SAMD10: variants seen among roughly 807,000 people sequenced by gnomAD.
SAMD10 encodes the protein sterile alpha motif domain-containing protein 10.
A neutral mutation model predicts 22.5 loss-of-function variants in SAMD10; 16 were observed. That is an observed-to-expected ratio of 0.71 (90% confidence interval 0.48 to 1.08). The LOEUF (loss-of-function observed/expected upper bound fraction) is 1.08, where lower values mean the gene tolerates loss of function less well. Ranked by LOEUF, SAMD10 falls within the 50% of genes least tolerant of loss-of-function variation. SAMD10 has a pLI of 0.00. For missense variants in SAMD10, 227 were observed against 281.3 expected, an observed-to-expected ratio of 0.81 and a Z score of 1.38; for synonymous variants, 118 against 122.2, an observed-to-expected ratio of 0.97 and a Z score of 0.23.
rs1034392287 is a variant in SAMD10 at position 63,975,128 on chromosome 20, G to A, written c.*382C>T. 7.2e-6 allele frequency: 2 copies of A among 278,304 alleles called. No homozygotes were observed. Among genetic ancestry groups the A allele is most frequent in the Non-Finnish European group, 1.4e-5 (2 of 145,474 alleles). 17.2% of individuals were successfully genotyped at this position (278,304 alleles called of 1,614,324 possible). ...TGGACAGACAAGTGACTCAGCAGGCGATGGGGGACCGACATCACGTGGAGA... is the reference window on the plus strand; with the variant it reads ...TGGACAGACAAGTGACTCAGCAGGCAATGGGGGACCGACATCACGTGGAGA... On this transcript the variant is annotated 3_prime_UTR_variant, in exon 5 of 5. Transcript: ENST00000369886.
At chr20:63,978,331 G>T in intron 1 of SAMD10, 1 of 1,299,508 alleles carries the variant, frequency 7.7e-7, no homozygotes, top group Non-Finnish European at 1.0e-6. Context: ...ATGAATGAAG[G>T]CTCTGTATGG....
chr20:63,979,370 C>A lies in SAMD10; in HGVS notation c.91+7G>T. ...AAATCCCCGCTCCCCAATCCAGCCC[C>A]GCTCACCGTCCACATCCCGGCGCTC... On this transcript the variant is annotated splice_region_variant and intron_variant, in intron 1 of 4. Transcript: ENST00000369886. The surrounding 1 kb of genome is among the most constrained non-coding windows in gnomAD (Gnocchi z 7.7). 1 of 1,486,488 alleles carries A rather than the reference C, an allele frequency of 6.7e-7. No homozygotes were observed. Among genetic ancestry groups the A allele is most frequent in the Non-Finnish European group, 8.9e-7 (1 of 1,123,516 alleles). The allele number at this position is 1,486,488 out of a possible 1,614,324, so 92.1% of individuals were successfully genotyped here. A position where few individuals can be genotyped will look rare whatever the true frequency, so the allele number is the denominator to read the frequency against.
rs757316214 is a variant in SAMD10, at chr20:63,976,962, C to T, written c.445+9G>A. The stretch of plus-strand genomic sequence containing the variant: ...CCCCACTCCCACAGCACCCTCAGCG[C>T]CACTGTACCGGTGATGGCATGCTGG... On this transcript the variant is annotated intron_variant, in intron 3 of 4. Transcript: ENST00000369886. 2.0e-5 allele frequency: 33 copies of T among 1,613,780 alleles called. No individual in the cohort carries two copies. The highest frequency in any genetic ancestry group is 2.8e-5 in the Non-Finnish European group (33 of 1,179,894).
chr20:63,976,560 C>T (rs1054506441), intron 3 of SAMD10, among the ~76,000 whole-genome samples: 3 of 151,410 alleles, frequency 2.0e-5, no homozygotes, highest in Non-Finnish European at 4.4e-5. Context: ...ATCAGGAGTT[C>T]GAGATCATCC....
intron 1 of SAMD10, chr20:63,978,509 A>C (rs1349226815): frequency 1.2e-5 from 4 of 345,904 alleles, no homozygotes; most frequent in Non-Finnish European, 1.7e-5. Context: ...CCTCAGACTC[A>C]GCCACCCACT....
chr20:63,979,459 G>A lies in SAMD10; in HGVS notation c.9C>T (p.Thr3=). Residue 3 remains threonine, a synonymous_variant, in exon 1 of 5, where the codon ACC becomes ACT. Coordinates refer to ENST00000369886, the MANE Select transcript of SAMD10 (RefSeq NM_080621.5). The surrounding 1 kb of genome is among the most constrained non-coding windows in gnomAD (Gnocchi z 7.7). ...GGGGGCTCAGCTTGGACCTCAGCTC[G>A]GTGAACATGGGGCCCGCGGGTGCCA... MF[T]ELRSKLSPPR... is the part of the protein sequence containing the mutation. The A allele has an allele frequency of 7.0e-7, 1 of 1,424,590 alleles. No homozygotes were observed. The highest frequency in any genetic ancestry group is 9.1e-7 in the Non-Finnish European group (1 of 1,094,160). 88.2% of individuals were successfully genotyped at this position (1,424,590 alleles called of 1,614,324 possible). A position where few individuals can be genotyped will look rare whatever the true frequency, so the allele number is the denominator to read the frequency against.
At chr20:63,978,895 C>T (rs910127072) in intron 1 of SAMD10, among the ~76,000 whole-genome samples, 1 of 152,226 alleles carries the variant, frequency 6.6e-6, no homozygotes, top group Admixed American at 6.5e-5. Context: ...CCGCACGGCA[C>T]CTGCCCCGGC....
intron 1 of SAMD10, among the ~76,000 whole-genome samples, chr20:63,978,568 G>T (rs888618964): frequency 6.6e-6 from 1 of 151,976 alleles, no homozygotes; most frequent in Non-Finnish European, 1.5e-5. Context: ...TCTAAGTATC[G>T]GTGAAAACCA....
chr20:63,977,507 G>A lies in SAMD10; in HGVS notation c.92-101C>T, dbSNP rs931269516. On this transcript the variant is annotated intron_variant, in intron 1 of 4. Transcript: ENST00000369886. This position sits in a 1 kb window ranked among gnomAD's most constrained non-coding sequence, Gnocchi z 5.4. ...GCCCCATCTCCTCCACACTAGTGCG[G>A]GAAATCACCTCCCCAATGAGGGGTT... The A allele has an allele frequency of 3.3e-6, 4 of 1,217,938 alleles. No individual in the cohort carries two copies. Among genetic ancestry groups the A allele is most frequent in the Non-Finnish European group, 4.6e-6 (4 of 862,140 alleles). The allele number at this position is 1,217,938 out of a possible 1,614,324, so 75.4% of individuals were successfully genotyped here. A position where few individuals can be genotyped will look rare whatever the true frequency, so the allele number is the denominator to read the frequency against.
chr20:63,978,921 C>T (rs1345156021), intron 1 of SAMD10, among the ~76,000 whole-genome samples: 2 of 152,322 alleles, frequency 1.3e-5, no homozygotes, highest in East Asian at 3.9e-4. Flanking sequence ...AGGCTCCGCC[C>T]ATTTCCTGCC....
rs2059033590 is a variant in SAMD10, at chr20:63,977,515, C to G, written c.92-109G>C. The G allele has an allele frequency of 1.7e-6, 2 of 1,151,512 alleles. No homozygotes were observed. Among genetic ancestry groups the G allele is most frequent in the East Asian group, 5.1e-5 (2 of 39,104 alleles). The allele number at this position is 1,151,512 out of a possible 1,614,324, so 71.3% of individuals were successfully genotyped here. On this transcript the variant is annotated intron_variant, in intron 1 of 4. Coordinates refer to ENST00000369886, the MANE Select transcript of SAMD10 (RefSeq NM_080621.5). This position sits in a 1 kb window ranked among gnomAD's most constrained non-coding sequence, Gnocchi z 5.4. ...TCCTCCACACTAGTGCGGGAAATCACCTCCCCAATGAGGGGTTCCCAAGCC... is the reference window on the plus strand; with the variant it reads ...TCCTCCACACTAGTGCGGGAAATCAGCTCCCCAATGAGGGGTTCCCAAGCC...
In SAMD10 at chr20:63,977,189, A is replaced by G. The variant is rs1569206461; in HGVS notation, c.273+36T>C. The G allele has an allele frequency of 5.3e-6, 7 of 1,312,914 alleles. No individual in the cohort carries two copies. The highest frequency in any genetic ancestry group is 7.3e-6 in the Non-Finnish European group (7 of 960,182). The allele number at this position is 1,312,914 out of a possible 1,614,324, so 81.3% of individuals were successfully genotyped here. A position where few individuals can be genotyped will look rare whatever the true frequency, so the allele number is the denominator to read the frequency against. On this transcript the variant is annotated intron_variant, in intron 2 of 4. Transcript: ENST00000369886. This position sits in a 1 kb window ranked among gnomAD's most constrained non-coding sequence, Gnocchi z 5.4. Reference sequence around the variant, plus strand: ...GGCAGAGTGAGAGTGGTGGAGAAGGAGGGCAGGGACGGAGGTGGGTGGAGT... The same window carrying G: ...GGCAGAGTGAGAGTGGTGGAGAAGGGGGGCAGGGACGGAGGTGGGTGGAGT...
chr20:63,976,658 A>T (rs1266563778), intron 3 of SAMD10, among the ~76,000 whole-genome samples: 1 of 146,760 alleles, frequency 6.8e-6, no homozygotes, highest in Non-Finnish European at 1.5e-5. Context: ...GGTACTCGGG[A>T]GGCTGAGGCA....
chr20:63,975,906 C>T, intron 3 of SAMD10, 74 bp from the exon 4 acceptor site: 2 of 1,438,490 alleles, frequency 1.4e-6, no homozygotes, highest in Non-Finnish European at 1.8e-6. Context: ...GGTGCCATGG[C>T]TCATGCCTGT....
chr20:63,974,857 G>C lies in SAMD10; in HGVS notation c.*653C>G, dbSNP rs189919447. The C allele has an allele frequency of 9.3e-4, 143 of 153,472 alleles. 1 individual carries two copies. Among genetic ancestry groups the C allele is most frequent in the South Asian group, 2.2e-3 (11 of 5,008 alleles). The allele number at this position is 153,472 out of a possible 1,614,324, so 9.5% of individuals were successfully genotyped here. ...TTTGTCTCTGGCGCTTGGTCAATCTGGTCCTTTCTCAGCTTTACTTCTCAT... is the reference window on the plus strand; with the variant it reads ...TTTGTCTCTGGCGCTTGGTCAATCTCGTCCTTTCTCAGCTTTACTTCTCAT... On this transcript the variant is annotated 3_prime_UTR_variant, in exon 5 of 5. Transcript: ENST00000369886.
In SAMD10 at chr20:63,979,425, G is replaced by T; in HGVS notation, c.43C>A (p.Arg15Ser). The T allele has an allele frequency of 6.8e-7, 1 of 1,477,710 alleles. No individual in the cohort carries two copies. The highest frequency in any genetic ancestry group is 8.9e-7 in the Non-Finnish European group (1 of 1,120,644). The allele number at this position is 1,477,710 out of a possible 1,614,324, so 91.5% of individuals were successfully genotyped here. A position where few individuals can be genotyped will look rare whatever the true frequency, so the allele number is the denominator to read the frequency against. Reference protein sequence around the residue: ...LRSKLSPPRGRAGAVRAGFGE... With the variant: ...LRSKLSPPRGSAGAVRAGFGE... ...AAGCCCGCGCGCACGGCCCCGGCGC[G>T]GCCACGCGGGGGGCTCAGCTTGGAC... The change falls in exon 1 of 5, where the codon CGC (arginine) becomes AGC (serine). Residue 15 changes from arginine (R) to serine (S), a missense_variant. By Grantham distance (110) the Arg-to-Ser change is moderately radical. Coordinates refer to ENST00000369886, the MANE Select transcript of SAMD10 (RefSeq NM_080621.5). The surrounding 1 kb of genome is among the most constrained non-coding windows in gnomAD (Gnocchi z 7.7).
chr20:63,979,333 C>G lies in SAMD10; in HGVS notation c.91+44G>C. 1 of 1,352,516 alleles carries G rather than the reference C, an allele frequency of 7.4e-7. No homozygotes were observed. The highest frequency in any genetic ancestry group is 1.4e-5 in the South Asian group (1 of 72,808). 83.8% of individuals were successfully genotyped at this position (1,352,516 alleles called of 1,614,324 possible). On this transcript the variant is annotated intron_variant, in intron 1 of 4. Coordinates refer to ENST00000369886, the MANE Select transcript of SAMD10 (RefSeq NM_080621.5). This position sits in a 1 kb window ranked among gnomAD's most constrained non-coding sequence, Gnocchi z 7.7. ...CCCCCGTGCCTCTGGGTCCCTGAGA[C>G]CCCCGCCCGAGAAATCCCCGCTCCC...
chr20:63,977,102 C>A lies in SAMD10; in HGVS notation c.314G>T (p.Ser105Ile), dbSNP rs2052469166. ...YSDHYGLYHT[S>I]PSLGGLTRPV... ...CCGGGTCAGGCCACCCAGCGAGGGG[C>A]TTGTATGGTACAGGCCATAGTGGTC... The change falls in exon 3 of 5, where the codon AGC becomes ATC. Residue 105 changes from serine to isoleucine, a missense_variant. Transcript: ENST00000369886. This position sits in a 1 kb window ranked among gnomAD's most constrained non-coding sequence, Gnocchi z 5.4. The A allele has an allele frequency of 1.2e-6, 2 of 1,613,980 alleles. No homozygotes were observed. The highest frequency in any genetic ancestry group is 1.7e-6 in the Non-Finnish European group (2 of 1,179,996).
rs1294655107 is a variant in SAMD10, at chr20:63,975,273, C to T, written c.*237G>A. The T allele has an allele frequency of 1.3e-5, 7 of 548,950 alleles. No homozygotes were observed. The South Asian group carries it at 1.6e-4, about 13-fold the overall frequency. The allele number at this position is 548,950 out of a possible 1,614,324, so 34.0% of individuals were successfully genotyped here. A position where few individuals can be genotyped will look rare whatever the true frequency, so the allele number is the denominator to read the frequency against. Reference sequence around the variant, plus strand: ...CCAGGGGAGGGCTTGGGCTCAGGTCCCAGGAGGTGGGGCCACACTCAAGCA... The same window carrying T: ...CCAGGGGAGGGCTTGGGCTCAGGTCTCAGGAGGTGGGGCCACACTCAAGCA... On this transcript the variant is annotated 3_prime_UTR_variant, in exon 5 of 5. Transcript: ENST00000369886.
Sources: allele counts gnomAD v4.1 joint callset (sites outside exome capture counted in the v4.1 genomes callset), GRCh38; gene constraint gnomAD v4.1.1; non-coding constraint Gnocchi (gnomAD v3.1); transcripts MANE v1.5; gene names NCBI Gene and HGNC (gene_info 2026-07-23, HGNC 2026-07-21).